Variants in RAG1 observed in about 807,000 individuals in gnomAD.
RAG1 encodes the protein recombination activating 1.
RAG1 carries 35 observed loss-of-function variants against 62.7 expected under a neutral mutation model. The ratio of observed to expected loss-of-function variants is 0.56; its 90% CI spans 0.43 to 0.74. The LOEUF is 0.74. RAG1 is among the 30% of genes least tolerant of loss of function. The pLI, the probability that RAG1 is intolerant of heterozygous loss-of-function variation, is 0.00. For synonymous variants in RAG1, 461 were observed against 470.3 expected (o/e 0.98, Z 0.26); for missense variants, 1,169 against 1,278.6 (o/e 0.91, Z 1.31).
rs11033675 is a variant in RAG1 at position 36,521,063 on chromosome 11, G to C, written n.428+834G>C. 3.5e-3 allele frequency among the ~76,000 whole-genome samples: 529 copies of C among 151,002 alleles called. 24 individuals carry two copies. In the East Asian group the frequency reaches 0.07, roughly 20 times the overall value. On this transcript the variant is annotated intron_variant and non_coding_transcript_variant, in intron 2 of 2. Coordinates refer to the RAG1 transcript ENST00000529126. ...CAACCTCCGCCTCCTGGGTTCAAGTGATTCCCCTGCCTCAGCCTCCTGAGT... is the reference window on the plus strand; with the variant it reads ...CAACCTCCGCCTCCTGGGTTCAAGTCATTCCCCTGCCTCAGCCTCCTGAGT...
At chr11:36,532,811 G>C (rs181216727) in intron 2 of RAG1, among the ~76,000 whole-genome samples, 5 of 152,296 alleles carry the variant, frequency 3.3e-5, no homozygotes, top group Non-Finnish European at 7.4e-5. Context: ...GAGAGAGAGA[G>C]AGAGAGACAG....
In RAG1 at chr11:36,576,038, TAC is replaced by T. The variant is rs1317208073; in HGVS notation, c.2736_2737del (p.Tyr912Ter). The T allele has an allele frequency of 1.2e-6, 2 of 1,614,048 alleles. No homozygotes were observed. The highest frequency in any genetic ancestry group is 1.7e-6 in the Non-Finnish European group (2 of 1,180,048). Reference sequence around the variant, plus strand: ...AGAGTGCCCAGAATCCCTCTGCCAGTACAGTTTCAATTCACAGCGTTTTGCTG... The same window carrying T: ...AGAGTGCCCAGAATCCCTCTGCCAGTAGTTTCAATTCACAGCGTTTTGCTG... Reference protein sequence around the residue: ...AKECPESLCQYSFNSQRFAEL... With the variant: ...AKECPESLCQXSFNSQRFAEL... On this transcript the variant is annotated frameshift_variant, in exon 2 of 2. Transcript: ENST00000299440. LOFTEE classifies it high-confidence loss of function.
rs184406026 is a variant in RAG1, at chr11:36,559,111, G to A, written c.-411-4274G>A. Among the ~76,000 whole-genome samples the A allele has an allele frequency of 2.2e-4, 34 of 152,066 alleles. No individual in the cohort carries two copies. In the East Asian group the frequency reaches 5.4e-3, roughly 24 times the overall value. On this transcript the variant is annotated intron_variant and NMD_transcript_variant, in intron 3 of 9. Coordinates refer to the RAG1 transcript ENST00000534663. ...TTTCTGAGGGATAGTTTTGTTGGGT[G>A]TAGTATTCTTGATTGACAGTTTTTT...
At chr11:36,550,665 A>G (rs1016043047) in intron 3 of RAG1, among the ~76,000 whole-genome samples, 3 of 152,114 alleles carry the variant, frequency 2.0e-5, no homozygotes, top group Admixed American at 6.6e-5. Context: ...TGTGTCCAAG[A>G]GTTTAAATGA....
upstream of RAG1, chr11:36,565,767 T>C (rs1216997042): frequency 6.6e-6 from 1 of 152,176 alleles, no homozygotes; most frequent in Non-Finnish European, 1.5e-5. Context: ...ATTTAACTTG[T>C]TTTTTCCAGG....
chr11:36,551,601 C>CTTTTTTTTT (rs199642455), intron 3 of RAG1, among the ~76,000 whole-genome samples: 1 of 133,196 alleles, frequency 7.5e-6, no homozygotes, highest in African/African-American at 2.8e-5. Flanking sequence ...TTAATTACTT[C>CTTTTTTTTT]TTTTTTTTTT....
chr11:36,531,278 C>T (rs1393847202), intron 2 of RAG1, among the ~76,000 whole-genome samples: 1 of 151,820 alleles, frequency 6.6e-6, no homozygotes, highest in Non-Finnish European at 1.5e-5. Context: ...TTTTAATCCA[C>T]TTTGTCAATC....
intron 1 of RAG1, among the ~76,000 whole-genome samples, chr11:36,516,530 G>A (rs914861904): frequency 3.9e-5 from 6 of 152,192 alleles, no homozygotes; most frequent in African/African-American, 1.4e-4. Flanking sequence ...CACCGTGTTA[G>A]CCAGGATGGT....
chr11:36,550,431 T>C (rs1850466010), intron 3 of RAG1, among the ~76,000 whole-genome samples: 1 of 152,088 alleles, frequency 6.6e-6, no homozygotes. Context: ...ATACCATGGA[T>C]TGACCTGAAC....
chr11:36,512,716 A>G (rs888781816), intron 1 of RAG1, among the ~76,000 whole-genome samples: 4 of 152,242 alleles, frequency 2.6e-5, no homozygotes, highest in Admixed American at 1.3e-4. Context: ...ACCTATATAT[A>G]GCAACCACAA....
upstream of RAG1, among the ~76,000 whole-genome samples, chr11:36,567,794 G>A (rs1590697264): frequency 6.6e-6 from 1 of 152,282 alleles, no homozygotes; most frequent in East Asian, 1.9e-4. Context: ...ACATTCTCAG[G>A]GAGGGAACTG....
Position 36,576,735 on chromosome 11 carries a change from GGA to G in RAG1, c.*301_*302del. Reference sequence around the variant, plus strand: ...ATGAGCAAAGATCTGTGTGTGTTGGGGAGCTGTCATGTAAATCAAAGCCAAGG... The same window carrying G: ...ATGAGCAAAGATCTGTGTGTGTTGGGGCTGTCATGTAAATCAAAGCCAAGG... On this transcript the variant is annotated 3_prime_UTR_variant, in exon 2 of 2. Transcript: ENST00000299440. 1 of 386,896 alleles carries G rather than the reference GGA, an allele frequency of 2.6e-6. No homozygotes were observed. The highest frequency in any genetic ancestry group is 3.5e-5 in the South Asian group (1 of 28,888). The allele number at this position is 386,896 out of a possible 1,614,324, so 24.0% of individuals were successfully genotyped here. A position where few individuals can be genotyped will look rare whatever the true frequency, so the allele number is the denominator to read the frequency against.
In RAG1 at chr11:36,577,729, G is replaced by C. The variant is rs1214769858; in HGVS notation, c.*1293G>C. On this transcript the variant is annotated 3_prime_UTR_variant, in exon 2 of 2. Transcript: ENST00000299440. ...GTCATTTAGGGGTAATAAATACTTG[G>C]CTTGGAAATTTAACACAGTCCTTTT... The C allele has an allele frequency of 6.0e-6, 1 of 166,996 alleles. No individual in the cohort carries two copies. The highest frequency in any genetic ancestry group is 1.5e-5 in the Non-Finnish European group (1 of 68,104). 10.3% of individuals were successfully genotyped at this position (166,996 alleles called of 1,614,324 possible). A position where few individuals can be genotyped will look rare whatever the true frequency, so the allele number is the denominator to read the frequency against.
upstream of RAG1, chr11:36,510,433 A>G (rs1037641111): frequency 3.9e-5 from 6 of 152,358 alleles, no homozygotes; most frequent in African/African-American, 1.4e-4. Flanking sequence ...CGGGTGTCCC[A>G]CCTGGGAATT....
Position 36,575,357 on chromosome 11 carries a change from A to C in RAG1, c.2053A>C (p.Met685Leu). 6.2e-7 allele frequency: 1 copy of C among 1,614,154 alleles called. No individual in the cohort carries two copies. The highest frequency in any genetic ancestry group is 8.5e-7 in the Non-Finnish European group (1 of 1,180,018). ...TCCTCTCATTGCTGAGAGGGAGGCCATGAAGAGCAGTGAATTAATGCTTGA... is the reference window on the plus strand; with the variant it reads ...TCCTCTCATTGCTGAGAGGGAGGCCCTGAAGAGCAGTGAATTAATGCTTGA... ...LSPLIAEREAMKSSELMLELG... is the reference protein window; with the variant it reads ...LSPLIAEREALKSSELMLELG... Residue 685 changes from methionine to leucine, a missense_variant, in exon 2 of 2, where the codon ATG becomes CTG. Coordinates refer to ENST00000299440, the MANE Select transcript of RAG1 (RefSeq NM_000448.3). This position sits in a 1 kb window ranked among gnomAD's most constrained non-coding sequence, Gnocchi z 4.1.
In RAG1 at chr11:36,577,589, A is replaced by T. The variant is rs1850871745; in HGVS notation, c.*1153A>T. On this transcript the variant is annotated 3_prime_UTR_variant, in exon 2 of 2. Transcript: ENST00000299440. Reference sequence around the variant, plus strand: ...GTACAGCAGAAGAGTTAACATTTACACAGTGCTTTTTACCACTGTGGAATG... The same window carrying T: ...GTACAGCAGAAGAGTTAACATTTACTCAGTGCTTTTTACCACTGTGGAATG... 1 of 167,042 alleles carries T rather than the reference A, an allele frequency of 6.0e-6. No individual in the cohort carries two copies. 10.3% of individuals were successfully genotyped at this position (167,042 alleles called of 1,614,324 possible). A position where few individuals can be genotyped will look rare whatever the true frequency, so the allele number is the denominator to read the frequency against.
intron 3 of RAG1, among the ~76,000 whole-genome samples, chr11:36,549,632 T>C (rs1850452714): frequency 6.6e-6 from 1 of 152,144 alleles, no homozygotes; most frequent in South Asian, 2.1e-4. Flanking sequence ...CTGGAGAGGA[T>C]GTGGAGAATA....
In RAG1 at chr11:36,534,998, A is replaced by C. The variant is rs537861205; in HGVS notation, n.429-961A>C. On this transcript the variant is annotated intron_variant and non_coding_transcript_variant, in intron 2 of 2. Coordinates refer to the RAG1 transcript ENST00000529126. ...TGTTTTAAAACATTTAGATCATCAC[A>C]ATTTTCTCTTTACCTTTGACTACAT... Among the ~76,000 whole-genome samples, 8 of 152,264 alleles carry C rather than the reference A, an allele frequency of 5.3e-5. No homozygotes were observed. In the South Asian group the frequency reaches 1.7e-3, roughly 32 times the overall value.
At chr11:36,564,858 T>C (rs949523095), upstream of RAG1, among the ~76,000 whole-genome samples, 7 of 152,278 alleles carry the variant, frequency 4.6e-5, no homozygotes, top group African/African-American at 1.4e-4. Context: ...CATTGCCAGC[T>C]TGAGTTTCTT....
Sources: allele counts gnomAD v4.1 joint callset (sites outside exome capture counted in the v4.1 genomes callset), GRCh38; gene constraint gnomAD v4.1.1; non-coding constraint Gnocchi (gnomAD v3.1); transcripts MANE v1.5; gene names NCBI Gene and HGNC (gene_info 2026-07-23, HGNC 2026-07-21).